Variants in AP4E1 observed in about 807,000 individuals in gnomAD.
AP4E1 encodes the protein adaptor related protein complex 4 subunit epsilon 1, also known as AP-4 complex subunit epsilon-1.
In AP4E1, 56 loss-of-function variants were observed where a neutral mutation model predicts 128.2. The observed-to-expected ratio is 0.44, with a 90% CI of 0.35 to 0.55. The LOEUF (loss-of-function observed/expected upper bound fraction) is 0.55, where lower values mean the gene tolerates loss of function less well. AP4E1 is among the 20% of genes least tolerant of loss of function. The pLI is 0.00. For synonymous variants in AP4E1, 484 were observed against 473.1 expected, an observed-to-expected ratio of 1.02 and a Z score of -0.30; for missense variants, 1,324 against 1,307.7, an observed-to-expected ratio of 1.01 and a Z score of -0.19.
rs2064830626 is a variant in AP4E1, at chr15:50,993,549, C to G, written c.2270C>G (p.Ser757Cys). Residue 757 changes from serine (S) to cysteine (C), a missense_variant, in exon 17 of 21, where the codon TCT (serine) becomes TGT (cysteine). Ser to Cys is a moderately radical substitution (Grantham distance 112, BLOSUM62 -1). Coordinates refer to ENST00000261842, the MANE Select transcript of AP4E1 (RefSeq NM_007347.5). ...GATCAATCTCAAGTTCTTACCCAAT[C>G]TAAAGAGGAGAAAGAAAAGCAGCTG... The part of the protein sequence containing the change: ...KKDQSQVLTQ[S>C]KEEKEKQLLA... 6.2e-7 allele frequency: 1 copy of G among 1,613,784 alleles called. No homozygotes were observed. The highest frequency in any genetic ancestry group is 1.3e-5 in the African/African-American group (1 of 74,900).
At chr15:50,945,892 A>C in intron 10 of AP4E1, 5 of 1,034,252 alleles carry the variant, frequency 4.8e-6, no homozygotes, top group Non-Finnish European at 7.6e-6. Context: ...GTGCATCATG[A>C]AAGAAGCTCG....
chr15:50,912,223 A>G lies in AP4E1; in HGVS notation c.222+74A>G, dbSNP rs536386462. The G allele has an allele frequency of 2.0e-4, 264 of 1,296,548 alleles. 4 individuals are homozygous for G. In the East Asian group the frequency reaches 6.0e-3, roughly 29 times the overall value. The allele number at this position is 1,296,548 out of a possible 1,614,324, so 80.3% of individuals were successfully genotyped here. A position where few individuals can be genotyped will look rare whatever the true frequency, so the allele number is the denominator to read the frequency against. On this transcript the variant is annotated intron_variant, in intron 2 of 20. Transcript: ENST00000261842. The stretch of plus-strand genomic sequence containing the variant: ...ACTGTGGACTCAATAGTGGCATCTA[A>G]CTGATGATCGGTTGCTAAAATTTGA...
intron 10 of AP4E1, among the ~76,000 whole-genome samples, chr15:50,942,828 T>C (rs1216214090): frequency 1.3e-5 from 2 of 151,868 alleles, no homozygotes; most frequent in African/African-American, 4.8e-5. Flanking sequence ...TTTCAAATGG[T>C]ATATGGGACC....
intron 16 of AP4E1, among the ~76,000 whole-genome samples, chr15:50,989,073 C>T (rs2064769036): frequency 6.6e-6 from 1 of 152,142 alleles, no homozygotes; most frequent in South Asian, 2.1e-4. Flanking sequence ...TAATGATTGT[C>T]ATTACCATCA....
rs537388287 is a variant in AP4E1, at chr15:50,991,990, G to A, written c.2091-1380G>A. 1.2e-4 allele frequency among the ~76,000 whole-genome samples: 17 copies of A among 141,684 alleles called. 1 individual carries two copies. In the South Asian group the frequency reaches 3.8e-3, roughly 31 times the overall value. 93.0% of individuals were successfully genotyped at this position (141,684 alleles called of 152,430 possible). A position where few individuals can be genotyped will look rare whatever the true frequency, so the allele number is the denominator to read the frequency against. The stretch of plus-strand genomic sequence containing the variant: ...TTTTTTTTTTTTTTTTAACTCCAGT[G>A]TTATTGAGATATAATTGCCAAATAA... On this transcript the variant is annotated intron_variant, in intron 16 of 20. Transcript: ENST00000261842.
At chr15:50,989,173 G>A (rs2064770422) in intron 16 of AP4E1, among the ~76,000 whole-genome samples, 1 of 152,180 alleles carries the variant, frequency 6.6e-6, no homozygotes, top group Non-Finnish European at 1.5e-5. Flanking sequence ...CGACAGTAAA[G>A]TAAGGAAATG....
intron 8 of AP4E1, among the ~76,000 whole-genome samples, chr15:50,936,482 A>C (rs2063909830): frequency 6.6e-6 from 1 of 152,130 alleles, no homozygotes; most frequent in African/African-American, 2.4e-5. Flanking sequence ...CAAAAGGTAC[A>C]AAAGGGTATA....
rs114466731 is a variant in AP4E1 at position 50,998,780 on chromosome 15, A to G, written c.2905-292A>G. Among the ~76,000 whole-genome samples, 679 of 152,280 alleles carry G rather than the reference A, an allele frequency of 4.5e-3. 5 individuals are homozygous for G. Among genetic ancestry groups the G allele is most frequent in the African/African-American group, 0.015 (635 of 41,568 alleles). ...TTATATTTAAATTCTTTTAAAAATT[A>G]TTTGAAAACTCTCCTATCTTTAAAA... On this transcript the variant is annotated intron_variant, in intron 18 of 20. Coordinates refer to ENST00000261842, the MANE Select transcript of AP4E1 (RefSeq NM_007347.5).
At chr15:50,990,473 G>C (rs1258739731) in intron 16 of AP4E1, among the ~76,000 whole-genome samples, 2 of 151,570 alleles carry the variant, frequency 1.3e-5, no homozygotes, top group African/African-American at 4.8e-5. Flanking sequence ...GGTTCTCCCA[G>C]GTTCTCATGC....
At chr15:50,922,115 C>A (rs2063710512) in intron 3 of AP4E1, among the ~76,000 whole-genome samples, 1 of 136,330 alleles carries the variant, frequency 7.3e-6, no homozygotes, top group South Asian at 2.3e-4. Context: ...TCGCTTGAGT[C>A]TGGGCGTTTG....
At chr15:50,946,051 G>C (rs1464922554) in intron 10 of AP4E1, 2 of 745,550 alleles carry the variant, frequency 2.7e-6, no homozygotes, top group Non-Finnish European at 4.6e-6. Context: ...TTTGATTTGA[G>C]AACTCTACAA....
intron 1 of AP4E1, among the ~76,000 whole-genome samples, 161 bp from the exon 2 acceptor site, chr15:50,911,917 C>T (rs1269122779): frequency 6.6e-6 from 1 of 152,130 alleles, no homozygotes; most frequent in Non-Finnish European, 1.5e-5. Context: ...TGGAGAAATG[C>T]CTTTAGATAG....
At chr15:50,932,323 A>G (rs1389782686) in intron 7 of AP4E1, among the ~76,000 whole-genome samples, 1 of 152,182 alleles carries the variant, frequency 6.6e-6, no homozygotes, top group Non-Finnish European at 1.5e-5. Context: ...TCAAAGTTCT[A>G]AGGACAGTAC....
At chr15:50,949,412 CAAAA>C (rs55857377) in intron 11 of AP4E1, among the ~76,000 whole-genome samples, 4 of 70,422 alleles carry the variant, frequency 5.7e-5, no homozygotes, top group Non-Finnish European at 3.2e-5. Context: ...GATTCTGCCT[CAAAA>C]AAAAAAAAAA....
At chr15:50,926,796 A>G (rs1223345572) in intron 5 of AP4E1, among the ~76,000 whole-genome samples, 1 of 150,734 alleles carries the variant, frequency 6.6e-6, no homozygotes, top group Non-Finnish European at 1.5e-5. Flanking sequence ...TTCACCATAT[A>G]GGCCAAGCTG....
chr15:50,956,411 A>G (rs2064223416), intron 13 of AP4E1, among the ~76,000 whole-genome samples: 1 of 152,120 alleles, frequency 6.6e-6, no homozygotes, highest in South Asian at 2.1e-4. Flanking sequence ...AAGACATGAA[A>G]TTATTCCATA....
intron 13 of AP4E1, among the ~76,000 whole-genome samples, chr15:50,953,163 A>G (rs1229798033): frequency 6.6e-6 from 1 of 152,200 alleles, no homozygotes; most frequent in Admixed American, 6.5e-5. Flanking sequence ...GGCTGTGCAA[A>G]TATCTTTTCC....
At chr15:50,918,694 A>G (rs1181632399) in intron 3 of AP4E1, among the ~76,000 whole-genome samples, 1 of 152,154 alleles carries the variant, frequency 6.6e-6, no homozygotes, top group Admixed American at 6.5e-5. Context: ...AAAGCAAGCA[A>G]AAGTTTGTGC....
At chr15:50,981,691 A>C (rs565968319) in intron 15 of AP4E1, among the ~76,000 whole-genome samples, 1 of 152,338 alleles carries the variant, frequency 6.6e-6, no homozygotes, top group Non-Finnish European at 1.5e-5. Flanking sequence ...TCCCCAGTGA[A>C]ACAGTGTTGG....
Sources: gnomAD v4.1 joint callset for allele counts (sites outside exome capture counted in the v4.1 genomes callset) on GRCh38, gnomAD v4.1.1 for gene constraint, MANE v1.5 for transcripts, NCBI Gene and HGNC (gene_info 2026-07-23, HGNC 2026-07-21) for gene names.